Variants in SCNN1B observed in about 807,000 individuals in gnomAD.
SCNN1B encodes the protein epithelial sodium channel subunit beta.
Under a neutral mutation model 65.3 loss-of-function variants are expected in SCNN1B, and 46 were observed. That is an observed-to-expected ratio of 0.70 (90% CI 0.56 to 0.90). The LOEUF (loss-of-function observed/expected upper bound fraction) is 0.90. SCNN1B is among the 40% of genes least tolerant of loss of function. The pLI is 0.00. For missense variants in SCNN1B, 751 were observed against 830.5 expected, an observed-to-expected ratio of 0.90 and a Z score of 1.18; for synonymous variants, 349 against 330.6, an observed-to-expected ratio of 1.06 and a Z score of -0.60.
At chr16:23,296,781 C>G (rs909321293) in intron 2 of SCNN1B, among the ~76,000 whole-genome samples, 2 of 152,080 alleles carry the variant, frequency 1.3e-5, no homozygotes, top group African/African-American at 4.8e-5. Context: ...GCGGGCAGAT[C>G]ACGGGGTCAG....
At chr16:23,299,954 A>G (rs1036328860), upstream of SCNN1B, among the ~76,000 whole-genome samples, 1 of 152,258 alleles carries the variant, frequency 6.6e-6, no homozygotes, top group African/African-American at 2.4e-5. Flanking sequence ...ATGCCCATCA[A>G]TGATAGACTG....
chr16:23,337,743 TA>T (rs2142006510), intron 1 of SCNN1B, among the ~76,000 whole-genome samples: 1 of 152,072 alleles, frequency 6.6e-6, no homozygotes, highest in African/African-American at 2.4e-5. Flanking sequence ...CAAACTTCTT[TA>T]AAGTACCAGA....
At chr16:23,352,248 G>A (rs1332172964) in intron 2 of SCNN1B, among the ~76,000 whole-genome samples, 1 of 152,222 alleles carries the variant, frequency 6.6e-6, no homozygotes, top group Non-Finnish European at 1.5e-5. Flanking sequence ...ATGAGTGCAT[G>A]GGTGGTGGAA....
At chr16:23,327,860 A>G (rs927695980) in intron 1 of SCNN1B, among the ~76,000 whole-genome samples, 1 of 152,204 alleles carries the variant, frequency 6.6e-6, no homozygotes, top group Non-Finnish European at 1.5e-5. Context: ...GACATTCACA[A>G]AGAAAAGAAT....
chr16:23,374,316 G>A (rs9925838), intron 7 of SCNN1B, among the ~76,000 whole-genome samples: 7,425 of 144,118 alleles, frequency 0.052, 686 homozygotes, highest in African/African-American at 0.18. Flanking sequence ...GCTCACACCT[G>A]TAATCCCAGC....
At chr16:23,338,536 C>A (rs568093932) in intron 1 of SCNN1B, among the ~76,000 whole-genome samples, 2 of 152,120 alleles carry the variant, frequency 1.3e-5, no homozygotes, top group South Asian at 2.1e-4. Context: ...GGTTTTGCTG[C>A]GAAAATAAGT....
intron 1 of SCNN1B, among the ~76,000 whole-genome samples, chr16:23,332,107 C>A (rs1437223274): frequency 6.6e-6 from 1 of 152,092 alleles, no homozygotes; most frequent in Non-Finnish European, 1.5e-5. Flanking sequence ...CAACTCACTG[C>A]AGCCTCAACC....
At chr16:23,353,555 A>C (rs1962356749) in intron 3 of SCNN1B, among the ~76,000 whole-genome samples, 1 of 152,214 alleles carries the variant, frequency 6.6e-6, no homozygotes, top group Non-Finnish European at 1.5e-5. Flanking sequence ...ATTAGATCAC[A>C]TGCTCACCCC....
At chr16:23,379,298 A>G (rs1596892339) in intron 11 of SCNN1B, among the ~76,000 whole-genome samples, 2 of 152,166 alleles carry the variant, frequency 1.3e-5, no homozygotes, top group Admixed American at 1.3e-4. Context: ...GAGCACAAGA[A>G]AGACACACAG....
intron 1 of SCNN1B, among the ~76,000 whole-genome samples, chr16:23,325,819 G>A (rs1351066438): frequency 2.6e-5 from 4 of 151,764 alleles, no homozygotes; most frequent in Admixed American, 2.0e-4. Flanking sequence ...TTGAGAGGTC[G>A]AGGCGGAAGG....
At chr16:23,373,031 C>T (rs1567316955) in intron 7 of SCNN1B, among the ~76,000 whole-genome samples, 1 of 151,974 alleles carries the variant, frequency 6.6e-6, no homozygotes, top group African/African-American at 2.4e-5. Context: ...TGCTTGAACC[C>T]GGGAGGCGGA....
At chr16:23,376,111 G>A (rs1257304047) in intron 8 of SCNN1B, among the ~76,000 whole-genome samples, 3 of 152,230 alleles carry the variant, frequency 2.0e-5, no homozygotes, top group Non-Finnish European at 4.4e-5. Context: ...TGTCCTTGTG[G>A]GCCTGTGTCT....
chr16:23,364,855 G>A (rs565581587), intron 4 of SCNN1B, among the ~76,000 whole-genome samples: 2 of 152,100 alleles, frequency 1.3e-5, no homozygotes, highest in African/African-American at 2.4e-5. Context: ...GCCAGGCATG[G>A]TGGCTCACGC....
intron 1 of SCNN1B, among the ~76,000 whole-genome samples, chr16:23,346,825 C>T (rs1448321421): frequency 2.0e-5 from 3 of 151,774 alleles, no homozygotes; most frequent in East Asian, 1.9e-4. Context: ...TAATAAAAAT[C>T]GCTGACACTT....
chr16:23,296,784 G>C (rs111794476), intron 2 of SCNN1B, among the ~76,000 whole-genome samples: 1 of 151,968 alleles, frequency 6.6e-6, no homozygotes, highest in Non-Finnish European at 1.5e-5. Flanking sequence ...GGCAGATCAC[G>C]GGGTCAGGAG....
chr16:23,279,834 C>A (rs942619779), intron 1 of SCNN1B, among the ~76,000 whole-genome samples: 1 of 152,158 alleles, frequency 6.6e-6, no homozygotes, highest in Non-Finnish European at 1.5e-5. Flanking sequence ...GTGGAGGAAG[C>A]CTGCAGAGCT....
intron 2 of SCNN1B, among the ~76,000 whole-genome samples, chr16:23,294,206 G>C (rs1264217599): frequency 6.6e-6 from 1 of 151,950 alleles, no homozygotes; most frequent in Non-Finnish European, 1.5e-5. Flanking sequence ...CTAAAAGACA[G>C]GGTATTTTTG....
chr16:23,346,200 C>CTTGTTTTTTTTTTTTTTTTTTTT (rs1962182890), intron 1 of SCNN1B, among the ~76,000 whole-genome samples: 1 of 78,018 alleles, frequency 1.3e-5, no homozygotes, highest in South Asian at 5.5e-4. Flanking sequence ...TTTTCCTTTT[C>CTTGTTTTTTTTTTTTTTTTTTTT]TTTTTTTTTT....
intron 1 of SCNN1B, among the ~76,000 whole-genome samples, chr16:23,309,857 A>T (rs1961303575): frequency 6.6e-6 from 1 of 152,194 alleles, no homozygotes; most frequent in African/African-American, 2.4e-5. Flanking sequence ...CACCTTATAA[A>T]GAGCCTGTTC....
Sources: gnomAD v4.1 joint callset for allele counts (sites outside exome capture counted in the v4.1 genomes callset) on GRCh38, gnomAD v4.1.1 for gene constraint, MANE v1.5 for transcripts, NCBI Gene and HGNC (gene_info 2026-07-23, HGNC 2026-07-21) for gene names.